The following REC114 variants were observed in gnomAD, a reference collection of about 807,000 sequenced individuals.
The protein encoded by REC114 is REC114 meiotic recombination protein.
In REC114, 27 loss-of-function variants were observed where a neutral mutation model predicts 31.3. The ratio of observed to expected loss-of-function variants is 0.86; its 90% CI spans 0.64 to 1.19. The LOEUF (loss-of-function observed/expected upper bound fraction) is 1.19. Ranked by LOEUF, REC114 falls within the 50% of genes most tolerant of loss-of-function variation. The pLI is 0.00. For synonymous variants in REC114, 134 were observed against 127.7 expected, an observed-to-expected ratio of 1.05 and a Z score of -0.33; for missense variants, 344 against 326.9, an observed-to-expected ratio of 1.05 and a Z score of -0.40.
intron 1 of REC114, among the ~76,000 whole-genome samples, chr15:73,462,603 G>A (rs978524170): frequency 6.6e-6 from 1 of 151,842 alleles, no homozygotes; most frequent in Admixed American, 6.6e-5. Context: ...TTACCAACTC[G>A]GGCCAGGTGC....
chr15:73,468,328 T>C (rs529542718), intron 1 of REC114, among the ~76,000 whole-genome samples: 1 of 152,298 alleles, frequency 6.6e-6, no homozygotes, highest in African/African-American at 2.4e-5. Context: ...CCCTTAGTAT[T>C]TTATATTTTT....
intron 2 of REC114, among the ~76,000 whole-genome samples, chr15:73,519,848 C>T (rs566345145): frequency 7.2e-5 from 11 of 152,250 alleles, no homozygotes; most frequent in Admixed American, 3.3e-4. Context: ...GAGGACATTA[C>T]GCTAAGTGAA....
chr15:73,512,947 A>G (rs1226916270), intron 2 of REC114, among the ~76,000 whole-genome samples: 5 of 151,648 alleles, frequency 3.3e-5, no homozygotes, highest in Non-Finnish European at 7.4e-5. Context: ...CTCGAGGAGT[A>G]TCTTTGTGGC....
At chr15:73,556,954 T>C (rs1894477305) in intron 5 of REC114, among the ~76,000 whole-genome samples, 1 of 152,086 alleles carries the variant, frequency 6.6e-6, no homozygotes. Context: ...CTGGGAGCTC[T>C]GCAAGGACTT....
In REC114 at chr15:73,547,226, A is replaced by T. The variant is rs567298817; in HGVS notation, c.334-3712A>T. On this transcript the variant is annotated intron_variant, in intron 3 of 5. Transcript: ENST00000331090. The stretch of plus-strand genomic sequence containing the variant: ...GGAAAAAAAATCTAATAATCTGATT[A>T]AAAAATGGGCAAAAGATTTGAATAG... 3.9e-4 allele frequency among the ~76,000 whole-genome samples: 60 copies of T among 152,300 alleles called. 1 individual carries two copies. The South Asian group carries it at 0.01, about 26-fold the overall frequency.
intron 1 of REC114, among the ~76,000 whole-genome samples, chr15:73,468,863 G>C (rs907101154): frequency 6.6e-6 from 1 of 151,862 alleles, no homozygotes; most frequent in African/African-American, 2.4e-5. Context: ...GAATAACTTT[G>C]AGTTCACAAT....
chr15:73,539,428 C>T (rs1218217744), intron 2 of REC114, among the ~76,000 whole-genome samples: 5 of 143,806 alleles, frequency 3.5e-5, no homozygotes, highest in Non-Finnish European at 7.5e-5. Context: ...GTAGCTAGGA[C>T]TACAGGCACC....
At chr15:73,531,545 C>T (rs1406551821) in intron 2 of REC114, among the ~76,000 whole-genome samples, 1 of 152,070 alleles carries the variant, frequency 6.6e-6, no homozygotes, top group Admixed American at 6.5e-5. Context: ...TGGCCACTGC[C>T]CCTCAGGCTG....
chr15:73,506,803 T>C (rs1029339457), intron 2 of REC114, among the ~76,000 whole-genome samples: 1 of 152,200 alleles, frequency 6.6e-6, no homozygotes, highest in African/African-American at 2.4e-5. Context: ...GAGAAGGTAC[T>C]TGTATAAATT....
chr15:73,443,540 C>T (rs570586213), intron 1 of REC114, among the ~76,000 whole-genome samples, 196 bp downstream of exon 1: 4 of 152,320 alleles, frequency 2.6e-5, no homozygotes, highest in African/African-American at 9.6e-5. Flanking sequence ...GGTTGGAACC[C>T]TTTACAGTCT....
chr15:73,482,259 G>C (rs1044409275), intron 2 of REC114, among the ~76,000 whole-genome samples: 21 of 152,186 alleles, frequency 1.4e-4, no homozygotes, highest in Non-Finnish European at 2.9e-5. Flanking sequence ...CCTGTAGGAG[G>C]TGTATCCCTC....
intron 2 of REC114, among the ~76,000 whole-genome samples, chr15:73,494,812 G>A (rs996280324): frequency 2.0e-5 from 3 of 152,154 alleles, no homozygotes; most frequent in African/African-American, 7.2e-5. Context: ...TAGCTAAAAT[G>A]GAGATCTTTG....
At chr15:73,490,444 C>T (rs900533534) in intron 2 of REC114, among the ~76,000 whole-genome samples, 26 of 152,266 alleles carry the variant, frequency 1.7e-4, no homozygotes, top group African/African-American at 6.3e-4. Context: ...CGCAGTGGCC[C>T]ATGCCTGTAA....
intron 2 of REC114, among the ~76,000 whole-genome samples, chr15:73,484,354 C>T (rs1893337405): frequency 6.6e-6 from 1 of 152,104 alleles, no homozygotes; most frequent in African/African-American, 2.4e-5. Flanking sequence ...GCTTCTGCCA[C>T]CTGCTTCTTT....
chr15:73,508,985 G>A (rs1240432664), intron 2 of REC114, among the ~76,000 whole-genome samples: 1 of 150,026 alleles, frequency 6.7e-6, no homozygotes, highest in Non-Finnish European at 1.5e-5. Context: ...GGGTCAAATG[G>A]TATTTCTAGT....
chr15:73,513,399 C>T (rs1246198879), intron 2 of REC114, among the ~76,000 whole-genome samples: 54 of 148,508 alleles, frequency 3.6e-4, no homozygotes, highest in East Asian at 1.4e-3. Flanking sequence ...AATGTCCTCC[C>T]GTAGCTCAGA....
At chr15:73,545,348 T>C (rs1894294603) in intron 3 of REC114, among the ~76,000 whole-genome samples, 1 of 152,200 alleles carries the variant, frequency 6.6e-6, no homozygotes, top group Non-Finnish European at 1.5e-5. Context: ...AGAAGCTCTT[T>C]CTGACTTTTA....
At chr15:73,544,459 A>G (rs1334217988) in intron 3 of REC114, among the ~76,000 whole-genome samples, 2 of 152,220 alleles carry the variant, frequency 1.3e-5, no homozygotes, top group Non-Finnish European at 2.9e-5. Context: ...AGTAAACATT[A>G]TATTTCTTTT....
intron 2 of REC114, among the ~76,000 whole-genome samples, chr15:73,515,158 C>T (rs1020861914): frequency 5.3e-5 from 8 of 152,026 alleles, no homozygotes; most frequent in Admixed American, 2.0e-4. Flanking sequence ...TCTCAAACTC[C>T]TGCATCAAGC....
Sources: gnomAD v4.1 joint callset for allele counts (sites outside exome capture counted in the v4.1 genomes callset) on GRCh38, gnomAD v4.1.1 for gene constraint, MANE v1.5 for transcripts, NCBI Gene and HGNC (gene_info 2026-07-23, HGNC 2026-07-21) for gene names.